CTSH: variants seen among roughly 807,000 people sequenced by gnomAD.
The protein encoded by CTSH is cathepsin H.
CTSH carries 52 observed loss-of-function variants against 56.3 expected under a neutral mutation model. The observed-to-expected ratio is 0.92, with a 90% CI of 0.74 to 1.16. The LOEUF (loss-of-function observed/expected upper bound fraction) is 1.16. Among genes scored for constraint, CTSH ranks in the 50% most tolerant of loss-of-function variants. The pLI is 0.00. For missense variants in CTSH, 406 were observed against 424.5 expected (o/e 0.96, Z 0.38); for synonymous variants, 174 against 155.7 (o/e 1.12, Z -0.88).
In CTSH at chr15:78,932,155, G is replaced by A. The variant is rs2055075029; in HGVS notation, c.492+217C>T. The A allele has an allele frequency of 8.8e-6, 9 of 1,020,352 alleles. No homozygotes were observed. The East Asian group carries it at 2.6e-4, about 29-fold the overall frequency. The allele number at this position is 1,020,352 out of a possible 1,614,324, so 63.2% of individuals were successfully genotyped here. ...GCTAAGGACCACCCAGATCCATCTA[G>A]GAATGAGCCCTTGGGCCGGTTCCTT... On this transcript the variant is annotated intron_variant, in intron 6 of 11. Coordinates refer to ENST00000220166, the MANE Select transcript of CTSH (RefSeq NM_004390.5).
Position 78,923,060 on chromosome 15 carries a change from C to T in CTSH, c.865G>A (p.Gly289Arg), listed in dbSNP as rs1293224316. 1 of 1,612,020 alleles carries T rather than the reference C, an allele frequency of 6.2e-7. No homozygotes were observed. Among genetic ancestry groups the T allele is most frequent in the Non-Finnish European group, 8.5e-7 (1 of 1,179,300 alleles). Residue 289 changes from glycine to arginine, a missense_variant, in exon 11 of 12, where the codon GGA (glycine) becomes AGA (arginine). Transcript: ENST00000220166. ...VNHAVLAVGY[G>R]EKNGIPYWIV... The stretch of plus-strand genomic sequence containing the variant: ...CAGTAAGGGATCCCATTTTTTTCTC[C>T]ATACCCAACAGCCAGTACTGCATGG...
At chr15:78,932,623 C>T (rs1476101851) in intron 5 of CTSH, among the ~76,000 whole-genome samples, 165 bp from the exon 6 acceptor site, 3 of 150,870 alleles carry the variant, frequency 2.0e-5, no homozygotes, top group Non-Finnish European at 2.9e-5. Context: ...GCCTCGCAGG[C>T]CCTGTTCCAG....
At position 78,943,616 on chromosome 15, in the gene CTSH, C is replaced by CA. The variant is rs561091304; in HGVS notation, c.91+1274dup. ...TAGAAGAAACATATTTCGTAGCACC[C>CA]AAAAATCCCTTGAAACTGAAATTTC... On this transcript the variant is annotated intron_variant, in intron 1 of 11. Coordinates refer to ENST00000220166, the MANE Select transcript of CTSH (RefSeq NM_004390.5). Among the ~76,000 whole-genome samples, 3 of 152,240 alleles carry CA rather than the reference C, an allele frequency of 2.0e-5. No individual in the cohort carries two copies. The South Asian group carries it at 6.2e-4, about 32-fold the overall frequency.
chr15:78,931,795 C>A, intron 6 of CTSH: 3 of 1,355,300 alleles, frequency 2.2e-6, no homozygotes, highest in East Asian at 3.1e-5. Flanking sequence ...TGTGCCCATA[C>A]GATGCAGAGT....
At chr15:78,929,886 A>T (rs1464006062) in intron 7 of CTSH, among the ~76,000 whole-genome samples, 8 of 152,168 alleles carry the variant, frequency 5.3e-5, no homozygotes, top group Admixed American at 5.2e-4. Flanking sequence ...GGATGCTGTC[A>T]CTGGCTGAGG....
chr15:78,938,838 GT>G (rs34778376), intron 2 of CTSH, among the ~76,000 whole-genome samples: 74,612 of 151,926 alleles, frequency 0.49, 22,147 homozygotes, highest in Non-Finnish European at 0.67. Context: ...CCTCCATACT[GT>G]TTTTTTTACA....
At chr15:78,927,622 T>A in intron 9 of CTSH, 91 bp downstream of exon 9, 1 of 1,114,960 alleles carries the variant, frequency 9.0e-7, no homozygotes, top group Non-Finnish European at 1.4e-6. Context: ...CCAGAAGGGC[T>A]GCCTTGCTGG....
intron 8 of CTSH, among the ~76,000 whole-genome samples, chr15:78,927,990 A>C (rs562459654): frequency 3.0e-4 from 46 of 152,338 alleles, no homozygotes; most frequent in African/African-American, 8.2e-4. Context: ...AGAGGTGGGC[A>C]CACATGGTGT....
intron 1 of CTSH, among the ~76,000 whole-genome samples, chr15:78,943,251 C>CTGTTTGTT (rs111970692): frequency 6.6e-6 from 1 of 150,912 alleles, no homozygotes; most frequent in Non-Finnish European, 1.5e-5. Context: ...CAGTATTCCC[C>CTGTTTGTT]TGTTTGTTTG....
chr15:78,925,362 T>A lies in CTSH; in HGVS notation c.778A>T (p.Met260Leu). 1 of 1,613,316 alleles carries A rather than the reference T, an allele frequency of 6.2e-7. No homozygotes were observed. The highest frequency in any genetic ancestry group is 8.5e-7 in the Non-Finnish European group (1 of 1,179,298). ...SFAFEVTQDF[M>L]MYRTGIYSST... The stretch of plus-strand genomic sequence containing the variant: ...GAGTAGATGCCGGTTCTATACATCA[T>A]GAAGTCCTGAGTCACCTCAAAGGCA... Residue 260 changes from methionine (M) to leucine (L), a missense_variant, in exon 10 of 12, where the codon ATG (methionine) becomes TTG (leucine). Coordinates refer to ENST00000220166, the MANE Select transcript of CTSH (RefSeq NM_004390.5).
intron 2 of CTSH, chr15:78,937,635 T>C (rs2141549460): frequency 3.6e-6 from 5 of 1,402,016 alleles, no homozygotes; most frequent in Non-Finnish European, 4.7e-6. Flanking sequence ...ATGAAGACCA[T>C]GCAGCTGCGT....
Position 78,932,361 on chromosome 15 carries a change from T to G in CTSH, c.492+11A>C, listed in dbSNP as rs750358310. The G allele has an allele frequency of 5.0e-6, 8 of 1,613,160 alleles. No individual in the cohort carries two copies. The East Asian group carries it at 1.8e-4, about 36-fold the overall frequency. ...TCCTCCGCAGGGGGTCGCCTGTGGC[T>G]GATTTCTTACCAAGGACAGCATCTT... is the stretch of plus-strand genomic sequence containing the variant. On this transcript the variant is annotated intron_variant, in intron 6 of 11. Coordinates refer to ENST00000220166, the MANE Select transcript of CTSH (RefSeq NM_004390.5).
intron 2 of CTSH, 75 bp downstream of exon 2, chr15:78,939,065 T>G: frequency 7.4e-7 from 1 of 1,351,708 alleles, no homozygotes; most frequent in Non-Finnish European, 1.0e-6. Flanking sequence ...TTGTCTCAAA[T>G]CTGGGACAGT....
At chr15:78,931,795 C>G in intron 6 of CTSH, 1 of 1,355,416 alleles carries the variant, frequency 7.4e-7, no homozygotes, top group Non-Finnish European at 9.5e-7. Context: ...TGTGCCCATA[C>G]GATGCAGAGT....
At chr15:78,937,582 G>T in intron 2 of CTSH, 159 bp from the exon 3 acceptor site, 1 of 1,394,504 alleles carries the variant, frequency 7.2e-7, no homozygotes, top group Non-Finnish European at 9.4e-7. Context: ...GAGAAATTTG[G>T]GAAGTTACAA....
At chr15:78,932,520 C>A in intron 5 of CTSH, 62 bp from the exon 6 acceptor site, 1 of 1,330,014 alleles carries the variant, frequency 7.5e-7, no homozygotes, top group Non-Finnish European at 1.1e-6. Context: ...ACAGCCCTGC[C>A]TTCTGCCTTC....
intron 3 of CTSH, among the ~76,000 whole-genome samples, chr15:78,936,180 C>CTTTTTTTTTTTTTTTTTTT (rs66819363): frequency 1.1e-5 from 1 of 90,866 alleles, no homozygotes; most frequent in Non-Finnish European, 2.3e-5. Context: ...CTTTTCTTTT[C>CTTTTTTTTTTTTTTTTTTT]TTTTTTTTTT....
intron 6 of CTSH, chr15:78,932,030 C>A: frequency 8.4e-7 from 1 of 1,195,330 alleles, no homozygotes; most frequent in Non-Finnish European, 1.0e-6. Flanking sequence ...CTCATGAAGA[C>A]AACTGAGGCT....
chr15:78,926,766 G>A (rs1464560087), intron 9 of CTSH: 1 of 152,178 alleles, frequency 6.6e-6, no homozygotes, highest in Non-Finnish European at 1.5e-5. Context: ...ACCACTTGGA[G>A]CCCCCGTTTC....
Sources: gnomAD v4.1 joint callset for allele counts (sites outside exome capture counted in the v4.1 genomes callset) on GRCh38, gnomAD v4.1.1 for gene constraint, MANE v1.5 for transcripts, NCBI Gene and HGNC (gene_info 2026-07-23, HGNC 2026-07-21) for gene names.